The following NRXN3 variants were observed in gnomAD, a reference collection of about 807,000 sequenced individuals.
NRXN3 encodes the protein neurexin 3, also known as neurexin III.
NRXN3 carries 32 observed loss-of-function variants against 137.6 expected under a neutral mutation model. That is an observed-to-expected ratio of 0.23 (90% confidence interval 0.18 to 0.31). NRXN3 has a LOEUF of 0.31. Ranked by LOEUF, NRXN3 falls within the 10% of genes least tolerant of loss-of-function variation. The pLI is 1.00. For synonymous variants in NRXN3, 798 were observed against 784.5 expected (o/e 1.02, Z -0.29); for missense variants, 1,574 against 2,062.5 (o/e 0.76, Z 4.59).
chr14:78,781,035 T>C (rs1024171402), intron 8 of NRXN3, among the ~76,000 whole-genome samples: 56 of 152,026 alleles, frequency 3.7e-4, no homozygotes, highest in African/African-American at 1.3e-3. Flanking sequence ...ATCAGAAGAG[T>C]GCATCAATAA....
chr14:78,932,497 A>T (rs1489924710), intron 10 of NRXN3, among the ~76,000 whole-genome samples: 5 of 152,184 alleles, frequency 3.3e-5, no homozygotes, highest in Non-Finnish European at 7.3e-5. Context: ...ATGGGATCAG[A>T]GTCTGATTGC....
At chr14:78,862,389 A>G (rs2099074938) in intron 10 of NRXN3, among the ~76,000 whole-genome samples, 2 of 152,148 alleles carry the variant, frequency 1.3e-5, no homozygotes, top group East Asian at 3.8e-4. Context: ...TAGATCTTTA[A>G]ATATCCACAT....
chr14:78,322,240 A>C (rs1470672519), intron 4 of NRXN3, among the ~76,000 whole-genome samples: 1 of 151,994 alleles, frequency 6.6e-6, no homozygotes, highest in African/African-American at 2.4e-5. Flanking sequence ...GATGCCTGTC[A>C]AATATGTAAT....
At chr14:78,892,505 T>C (rs931906117) in intron 10 of NRXN3, among the ~76,000 whole-genome samples, 5 of 151,716 alleles carry the variant, frequency 3.3e-5, no homozygotes, top group South Asian at 2.1e-4. Flanking sequence ...TTGGCAGTCA[T>C]TGAAGGTTTC....
At chr14:78,236,965 C>T (rs896783801) in intron 1 of NRXN3, among the ~76,000 whole-genome samples, 3 of 152,206 alleles carry the variant, frequency 2.0e-5, no homozygotes, top group African/African-American at 7.2e-5. Context: ...ACTATGTGAG[C>T]TTGCCCTAAT....
intron 15 of NRXN3, among the ~76,000 whole-genome samples, chr14:79,408,998 T>A: frequency 6.6e-6 from 1 of 152,108 alleles, no homozygotes; most frequent in East Asian, 1.9e-4. Flanking sequence ...TCTCCTTTGG[T>A]CTATGGATAA....
intron 15 of NRXN3, chr14:78,988,377 T>C (rs1267050282): frequency 4.0e-6 from 2 of 504,098 alleles, no homozygotes; most frequent in Non-Finnish European, 7.1e-6. Context: ...TTTCTTTAGA[T>C]TAGAATAGCG....
intron 20 of NRXN3, among the ~76,000 whole-genome samples, chr14:79,846,564 T>C (rs1269735710): frequency 1.3e-5 from 2 of 152,192 alleles, no homozygotes; most frequent in East Asian, 3.9e-4. Context: ...ATTTTAAAAA[T>C]TGGTAAGATA....
intron 19 of NRXN3, among the ~76,000 whole-genome samples, chr14:79,772,829 A>C (rs888160039): frequency 1.2e-4 from 19 of 152,216 alleles, no homozygotes; most frequent in Non-Finnish European, 2.8e-4. Flanking sequence ...CTACCATCAG[A>C]GTGAACAGGC....
At position 79,862,242 on chromosome 14, in the gene NRXN3, G is replaced by A. The variant is rs1333234777; in HGVS notation, c.*278G>A. 1.6e-5 allele frequency: 5 copies of A among 307,062 alleles called. No homozygotes were observed. Among genetic ancestry groups the A allele is most frequent in the Non-Finnish European group, 2.4e-5 (4 of 163,938 alleles). The allele number at this position is 307,062 out of a possible 1,614,324, so 19.0% of individuals were successfully genotyped here. A position where few individuals can be genotyped will look rare whatever the true frequency, so the allele number is the denominator to read the frequency against. ...CTGTATCATAAAGCACACACTTAGC[G>A]CTCTGGAGCCGGACGGTGGCTCCAC... On this transcript the variant is annotated 3_prime_UTR_variant, in exon 21 of 21. Transcript: ENST00000335750.
intron 10 of NRXN3, among the ~76,000 whole-genome samples, chr14:78,949,602 T>A (rs544156420): frequency 2.1e-5 from 3 of 140,070 alleles, no homozygotes; most frequent in African/African-American, 9.1e-5. Context: ...ATTTTTTTTT[T>A]TAAAAAAAAA....
At chr14:79,658,008 T>C (rs1403867484) in intron 16 of NRXN3, among the ~76,000 whole-genome samples, 1 of 152,182 alleles carries the variant, frequency 6.6e-6, no homozygotes, top group Non-Finnish European at 1.5e-5. Context: ...ACTGAGCTCA[T>C]GTTAGGATAC....
At chr14:78,693,286 C>T (rs769622997) in intron 6 of NRXN3, among the ~76,000 whole-genome samples, 1 of 151,892 alleles carries the variant, frequency 6.6e-6, no homozygotes, top group African/African-American at 2.4e-5. Context: ...TCTTTCTAGA[C>T]AGTTCCTCTC....
intron 19 of NRXN3, among the ~76,000 whole-genome samples, chr14:79,710,723 A>G (rs1300548346): frequency 1.3e-5 from 2 of 152,234 alleles, no homozygotes; most frequent in Non-Finnish European, 1.5e-5. Flanking sequence ...TTGAGTGCCT[A>G]GTATGGGCTA....
chr14:79,782,827 A>G (rs933141722), intron 19 of NRXN3, among the ~76,000 whole-genome samples: 3 of 152,114 alleles, frequency 2.0e-5, no homozygotes, highest in Non-Finnish European at 4.4e-5. Flanking sequence ...AATTTTTCTG[A>G]GTTTTATTCC....
chr14:79,499,145 A>T (rs2096795695), intron 16 of NRXN3, among the ~76,000 whole-genome samples: 1 of 152,148 alleles, frequency 6.6e-6, no homozygotes, highest in Admixed American at 6.5e-5. Flanking sequence ...ATGTAGCTTT[A>T]TATTATATTA....
chr14:79,337,940 CCAAA>C (rs112887209), intron 15 of NRXN3, among the ~76,000 whole-genome samples: 1 of 152,130 alleles, frequency 6.6e-6, no homozygotes, highest in African/African-American at 2.4e-5. Flanking sequence ...GATTGCTTCA[CCAAA>C]CAGCCTGTGG....
intron 20 of NRXN3, among the ~76,000 whole-genome samples, chr14:79,811,593 T>TTTTTTTTTC: frequency 6.8e-6 from 1 of 146,578 alleles, no homozygotes; most frequent in African/African-American, 2.5e-5. Context: ...TTTTTTTTTT[T>TTTTTTTTTC]TTTTTTGAGA....
chr14:79,651,323 T>C (rs1336652662), intron 16 of NRXN3, among the ~76,000 whole-genome samples: 1 of 152,104 alleles, frequency 6.6e-6, no homozygotes, highest in Non-Finnish European at 1.5e-5. Flanking sequence ...AAAAGTTCTC[T>C]CCCAAAGCAA....
Sources: allele counts gnomAD v4.1 joint callset (sites outside exome capture counted in the v4.1 genomes callset), GRCh38; gene constraint gnomAD v4.1.1; transcripts MANE v1.5; gene names NCBI Gene and HGNC (gene_info 2026-07-23, HGNC 2026-07-21).